Variants in PCDH11X observed in about 807,000 individuals in gnomAD.
PCDH11X encodes the protein protocadherin-11 X-linked.
In PCDH11X, 18 loss-of-function variants were observed where a neutral mutation model predicts 53.3. The observed-to-expected ratio is 0.34, with a 90% CI of 0.23 to 0.50. The LOEUF is 0.50. PCDH11X is among the 20% of genes least tolerant of loss of function. The pLI, the probability that PCDH11X is intolerant of heterozygous loss-of-function variation, is 0.98. For synonymous variants in PCDH11X, 279 were observed against 393.3 expected (o/e 0.71, Z 3.44); for missense variants, 570 against 1,032.4 (o/e 0.55, Z 6.14).
chrX:91,835,215 C>T lies in PCDH11X; in HGVS notation c.-44-246C>T. 8 of 819,085 alleles carry T rather than the reference C, an allele frequency of 9.8e-6. No individual in the cohort carries two copies. The Middle Eastern group carries it at 1.9e-3, about 194-fold the overall frequency. The allele number at this position is 819,085 out of a possible 1,213,427, so 67.5% of individuals were successfully genotyped here. On this transcript the variant is annotated intron_variant, in intron 4 of 10. Coordinates refer to ENST00000682573, the MANE Select transcript of PCDH11X (RefSeq NM_032968.5). ...TTTATATATTTATCAATGGTGGACA[C>T]TTTTATAGGTACTCTGTGTCATTTT...
intron 8 of PCDH11X, among the ~76,000 whole-genome samples, chrX:92,387,287 A>C (rs1452103234): frequency 1.8e-5 from 2 of 112,023 alleles, no homozygotes; most frequent in Non-Finnish European, 3.8e-5. Flanking sequence ...TGATTGAATA[A>C]ATTTGTGTTA....
At chrX:92,559,257 G>T in intron 10 of PCDH11X, among the ~76,000 whole-genome samples, 1 of 110,664 alleles carries the variant, frequency 9.0e-6, no homozygotes, top group Middle Eastern at 4.7e-3. Flanking sequence ...TAAGAAAAAA[G>T]AATAAATAAA....
Position 92,286,946 on chromosome X carries a change from AAT to A in PCDH11X, c.3144+23805_3144+23806del, listed in dbSNP as rs778609316. ...GTAAGTTTTAAGTAAGTGAATATTAAATAAGTTCATGTATCTAAAAATGATTT... is the reference window on the plus strand; with the variant it reads ...GTAAGTTTTAAGTAAGTGAATATTAAAAGTTCATGTATCTAAAAATGATTT... On this transcript the variant is annotated intron_variant, in intron 8 of 10. Transcript: ENST00000682573. 6.9e-5 allele frequency among the ~76,000 whole-genome samples: 7 copies of A among 101,211 alleles called. No homozygotes were observed. In the South Asian group the frequency reaches 3.5e-3, roughly 50 times the overall value. 87.9% of individuals were successfully genotyped at this position (101,211 alleles called of 115,157 possible). A position where few individuals can be genotyped will look rare whatever the true frequency, so the allele number is the denominator to read the frequency against.
chrX:92,619,035 A>G lies in PCDH11X; in HGVS notation c.*95A>G. The G allele has an allele frequency of 2.1e-6, 2 of 941,005 alleles. No homozygotes were observed. The highest frequency in any genetic ancestry group is 4.3e-5 in the South Asian group (2 of 46,021). The allele number at this position is 941,005 out of a possible 1,213,427, so 77.5% of individuals were successfully genotyped here. Reference sequence around the variant, plus strand: ...AGTATTCTGATTATCAGATTTGTAAATAACTATGTAAATAGAAACAGATAC... The same window carrying G: ...AGTATTCTGATTATCAGATTTGTAAGTAACTATGTAAATAGAAACAGATAC... On this transcript the variant is annotated 3_prime_UTR_variant, in exon 11 of 11. Coordinates refer to ENST00000682573, the MANE Select transcript of PCDH11X (RefSeq NM_032968.5).
chrX:92,608,828 G>A (rs944384203), intron 10 of PCDH11X, among the ~76,000 whole-genome samples: 1 of 110,788 alleles, frequency 9.0e-6, no homozygotes, highest in Non-Finnish European at 1.9e-5. Flanking sequence ...ATACAATCAT[G>A]TATCTATCAC....
At chrX:92,087,276 G>A (rs1489795808) in intron 6 of PCDH11X, among the ~76,000 whole-genome samples, 4 of 107,394 alleles carry the variant, frequency 3.7e-5, no homozygotes, top group Non-Finnish European at 7.7e-5. Flanking sequence ...GTATTTTTTA[G>A]TAGTGGCGGG....
intron 6 of PCDH11X, among the ~76,000 whole-genome samples, chrX:92,118,081 C>T (rs1467896103): frequency 3.6e-5 from 4 of 111,225 alleles, no homozygotes; most frequent in Non-Finnish European, 5.6e-5. Flanking sequence ...GTAGTCTTAA[C>T]GGCCACAAAT....
rs192792300 is a variant in PCDH11X at position 92,561,968 on chromosome X, A to C, written c.3368-56296A>C. 7.4e-5 allele frequency among the ~76,000 whole-genome samples: 8 copies of C among 108,279 alleles called. No homozygotes were observed. The East Asian group carries it at 2.4e-3, about 32-fold the overall frequency. The allele number at this position is 108,279 out of a possible 115,157, so 94.0% of individuals were successfully genotyped here. A position where few individuals can be genotyped will look rare whatever the true frequency, so the allele number is the denominator to read the frequency against. ...TGTATTAGTTTATTCTTGCATTGCT[A>C]TAAAGAAATACCAGAGATTGAGTAA... is the stretch of plus-strand genomic sequence containing the variant. On this transcript the variant is annotated intron_variant, in intron 10 of 10. Transcript: ENST00000682573.
rs1209975078 is a variant in PCDH11X, at chrX:92,411,520, C to T, written c.3343+23587C>T. 1.7e-4 allele frequency among the ~76,000 whole-genome samples: 19 copies of T among 108,610 alleles called. No individual in the cohort carries two copies. The East Asian group carries it at 5.7e-3, about 32-fold the overall frequency. The allele number at this position is 108,610 out of a possible 115,157, so 94.3% of individuals were successfully genotyped here. On this transcript the variant is annotated intron_variant, in intron 9 of 10. Coordinates refer to ENST00000682573, the MANE Select transcript of PCDH11X (RefSeq NM_032968.5). The stretch of plus-strand genomic sequence containing the variant: ...TTCAACTCCCACTTATGAGTGAGAA[C>T]ATGCAGTATTTGGTTTTCCGTTCCT...
chrX:91,930,245 C>A (rs1942081844), intron 6 of PCDH11X, among the ~76,000 whole-genome samples: 1 of 108,337 alleles, frequency 9.2e-6, no homozygotes, highest in African/African-American at 3.3e-5. Context: ...AGGTAGAAAT[C>A]TATTTTAAAT....
At chrX:91,783,188 C>G (rs1161446512) in intron 1 of PCDH11X, among the ~76,000 whole-genome samples, 2 of 111,584 alleles carry the variant, frequency 1.8e-5, no homozygotes, top group African/African-American at 6.5e-5. Flanking sequence ...CCTTTCATGA[C>G]GTATAGCTGG....
At chrX:92,402,709 T>C (rs767288668) in intron 9 of PCDH11X, among the ~76,000 whole-genome samples, 2 of 110,760 alleles carry the variant, frequency 1.8e-5, no homozygotes, top group Non-Finnish European at 3.8e-5. Flanking sequence ...ATTCTCGACA[T>C]AGGAACTGGC....
chrX:92,293,622 C>CAAAAA (rs10685775), intron 8 of PCDH11X, among the ~76,000 whole-genome samples: 6 of 55,518 alleles, frequency 1.1e-4, no homozygotes, highest in Non-Finnish European at 1.4e-4. Flanking sequence ...GACTCCGTCT[C>CAAAAA]AAAAAAAAAA....
Position 92,506,216 on chromosome X carries a change from C to CTTTTTTTTTTTTTTTTTTTTTTT in PCDH11X, c.3367+37916_3367+37917insTTTTTTTTTTTTTTTTTTTTTTT, listed in dbSNP as rs1180678297. 7.5e-5 allele frequency among the ~76,000 whole-genome samples: 3 copies of CTTTTTTTTTTTTTTTTTTTTTTT among 40,206 alleles called. 1 individual carries two copies. Among genetic ancestry groups the CTTTTTTTTTTTTTTTTTTTTTTT allele is most frequent in the Non-Finnish European group, 1.2e-4 (3 of 24,454 alleles). The allele number at this position is 40,206 out of a possible 115,157, so 34.9% of individuals were successfully genotyped here. On this transcript the variant is annotated intron_variant, in intron 10 of 10. Transcript: ENST00000682573. Reference sequence around the variant, plus strand: ...ATTTGGATACATTTTCTTTTCTTTTCTTTTTTTTTTTTTTTTTTTTTTGCC... The same window carrying CTTTTTTTTTTTTTTTTTTTTTTT: ...ATTTGGATACATTTTCTTTTCTTTTCTTTTTTTTTTTTTTTTTTTTTTTTTTTTTTTTTTTTTTTTTTTTTGCC...
chrX:92,011,370 A>C (rs1488697071), intron 6 of PCDH11X, among the ~76,000 whole-genome samples: 2 of 112,101 alleles, frequency 1.8e-5, no homozygotes, highest in African/African-American at 6.5e-5. Flanking sequence ...GTTTTCTGCA[A>C]CCTCACCAAC....
chrX:92,122,762 C>T (rs1001980620), intron 6 of PCDH11X, among the ~76,000 whole-genome samples: 8 of 109,980 alleles, frequency 7.3e-5, no homozygotes, highest in Middle Eastern at 9.2e-3. Context: ...CATGGTGAAA[C>T]CTTGTCTCTA....
intron 10 of PCDH11X, among the ~76,000 whole-genome samples, chrX:92,563,821 A>G (rs4020573): frequency 0.43 from 47,509 of 109,457 alleles, 7,648 homozygotes; most frequent in Admixed American, 0.5. Context: ...CACTGTAATG[A>G]TGGTGAGTAA....
rs539697907 is a variant in PCDH11X at position 92,113,302 on chromosome X, A to G, written c.3034-88073A>G. ...AATGGAGGTGTTGTAGAAGGTCTCA[A>G]TGTCTCGAAGAGTCCTCTTGTCTTC... On this transcript the variant is annotated intron_variant, in intron 6 of 10. Transcript: ENST00000682573. The G allele has an allele frequency of 2.9e-5, 35 of 1,198,552 alleles. 1 individual carries two copies. The highest frequency in any genetic ancestry group is 1.7e-4 in the African/African-American group (9 of 53,335).
At chrX:92,179,162 A>C (rs1243542913) in intron 6 of PCDH11X, among the ~76,000 whole-genome samples, 2 of 112,279 alleles carry the variant, frequency 1.8e-5, no homozygotes, top group Non-Finnish European at 3.8e-5. Context: ...CCTCAAATTT[A>C]TCACCACTGG....
Sources: gnomAD v4.1 joint callset for allele counts (sites outside exome capture counted in the v4.1 genomes callset) on GRCh38, gnomAD v4.1.1 for gene constraint, MANE v1.5 for transcripts, NCBI Gene and HGNC (gene_info 2026-07-23, HGNC 2026-07-21) for gene names.